TAFA1: variants seen among roughly 807,000 people sequenced by gnomAD.
TAFA1 encodes TAFA chemokine like family member 1, also known as chemokine-like protein TAFA-1.
In TAFA1, 4 loss-of-function variants were observed where a neutral mutation model predicts 18.5. The ratio of observed to expected loss-of-function variants is 0.22; its 90% CI spans 0.11 to 0.49. TAFA1 has a LOEUF of 0.49. Ranked by LOEUF, TAFA1 falls within the 20% of genes least tolerant of loss-of-function variation. The probability of loss-of-function intolerance (pLI) is 0.98; values close to 1 mark genes in which losing one functional copy is unlikely to be tolerated. For synonymous variants in TAFA1, 56 were observed against 55.2 expected, an observed-to-expected ratio of 1.01 and a Z score of -0.06; for missense variants, 147 against 169.0, an observed-to-expected ratio of 0.87 and a Z score of 0.72.
At chr3:68,083,198 T>C (rs2064926545) in intron 2 of TAFA1, among the ~76,000 whole-genome samples, 1 of 152,186 alleles carries the variant, frequency 6.6e-6, no homozygotes, top group South Asian at 2.1e-4. Context: ...AGAAGGGCTC[T>C]ATCCAGAAAC....
At chr3:68,109,393 A>G (rs2065239586) in intron 2 of TAFA1, among the ~76,000 whole-genome samples, 2 of 152,112 alleles carry the variant, frequency 1.3e-5, no homozygotes, top group Admixed American at 1.3e-4. Flanking sequence ...TTGATTTTTT[A>G]ATCAATTATG....
intron 2 of TAFA1, among the ~76,000 whole-genome samples, chr3:68,131,795 C>T (rs549944595): frequency 2.0e-5 from 3 of 152,190 alleles, no homozygotes; most frequent in South Asian, 2.1e-4. Flanking sequence ...ATTTAGCAGA[C>T]GTAGAATGGG....
chr3:68,084,407 T>C (rs2064945258), intron 2 of TAFA1, among the ~76,000 whole-genome samples: 1 of 152,316 alleles, frequency 6.6e-6, no homozygotes, highest in South Asian at 2.1e-4. Context: ...TCTTATATTA[T>C]ACCTTGTGCT....
intron 2 of TAFA1, among the ~76,000 whole-genome samples, chr3:68,178,550 A>G (rs2066155830): frequency 6.6e-6 from 1 of 152,232 alleles, no homozygotes; most frequent in Admixed American, 6.5e-5. Flanking sequence ...AGGAGGAGGT[A>G]TGTATAAAAC....
chr3:68,163,167 A>G (rs769482812), intron 2 of TAFA1, among the ~76,000 whole-genome samples: 32 of 152,060 alleles, frequency 2.1e-4, no homozygotes, highest in Admixed American at 5.9e-4. Context: ...CTGAAGGACT[A>G]CTCTTTTCTA....
chr3:68,431,938 G>A (rs898711299), intron 3 of TAFA1, among the ~76,000 whole-genome samples: 5 of 151,948 alleles, frequency 3.3e-5, no homozygotes, highest in Non-Finnish European at 7.4e-5. Flanking sequence ...GTAAGCGTGA[G>A]GAACATGACT....
At chr3:68,046,715 A>T (rs1025705788) in intron 2 of TAFA1, among the ~76,000 whole-genome samples, 1 of 152,136 alleles carries the variant, frequency 6.6e-6, no homozygotes, top group Non-Finnish European at 1.5e-5. Flanking sequence ...TTATAAGTAG[A>T]TAGAGATTTG....
chr3:68,492,403 G>A (rs547918744), intron 3 of TAFA1, among the ~76,000 whole-genome samples: 3 of 152,100 alleles, frequency 2.0e-5, no homozygotes, highest in Non-Finnish European at 2.9e-5. Flanking sequence ...AGTTAAGGCA[G>A]CAAAGCCTAG....
rs138370774 is a variant in TAFA1 at position 68,181,219 on chromosome 3, G to C, written c.118+174475G>C. Among the ~76,000 whole-genome samples the C allele has an allele frequency of 7.7e-4, 117 of 152,188 alleles. 1 individual carries two copies. The highest frequency in any genetic ancestry group is 1.4e-3 in the Non-Finnish European group (92 of 68,018). On this transcript the variant is annotated intron_variant, in intron 2 of 4. Transcript: ENST00000478136. ...CCTGGTGAGAGACTCAGTCAGGTGG[G>C]GCTGGCTAGTGGGGACCCAGCCAAA...
intron 2 of TAFA1, among the ~76,000 whole-genome samples, chr3:68,237,084 A>T (rs2066936139): frequency 6.6e-6 from 1 of 152,238 alleles, no homozygotes; most frequent in African/African-American, 2.4e-5. Flanking sequence ...TCAGGCTGCT[A>T]TAACCAAATA....
intron 2 of TAFA1, among the ~76,000 whole-genome samples, chr3:68,371,719 T>G (rs1191312161): frequency 2.0e-5 from 3 of 152,206 alleles, no homozygotes; most frequent in Non-Finnish European, 4.4e-5. Context: ...TGAAATCACC[T>G]AAGATAGATG....
chr3:68,236,529 ATGAAC>A (rs2066929035), intron 2 of TAFA1, among the ~76,000 whole-genome samples: 1 of 152,218 alleles, frequency 6.6e-6, no homozygotes, highest in Non-Finnish European at 1.5e-5. Context: ...GGAGGTACTA[ATGAAC>A]TGAACCTATT....
chr3:68,323,268 G>A (rs922482453), intron 2 of TAFA1, among the ~76,000 whole-genome samples: 2 of 152,092 alleles, frequency 1.3e-5, no homozygotes, highest in African/African-American at 4.8e-5. Flanking sequence ...GCAGCCACCT[G>A]TACAATACAT....
At chr3:68,070,196 A>G (rs966244360) in intron 2 of TAFA1, among the ~76,000 whole-genome samples, 7 of 152,240 alleles carry the variant, frequency 4.6e-5, no homozygotes, top group Non-Finnish European at 8.8e-5. Flanking sequence ...CTGAACATCC[A>G]GGCATTTCTA....
chr3:68,124,858 G>A (rs917794041), intron 2 of TAFA1, among the ~76,000 whole-genome samples: 1 of 152,182 alleles, frequency 6.6e-6, no homozygotes, highest in Non-Finnish European at 1.5e-5. Flanking sequence ...AACTTCTGCT[G>A]TCTTAGAGCT....
chr3:68,116,847 G>A lies in TAFA1; in HGVS notation c.118+110103G>A, dbSNP rs556889713. Among the ~76,000 whole-genome samples, 8 of 152,224 alleles carry A rather than the reference G, an allele frequency of 5.3e-5. 1 individual carries two copies. The highest frequency in any genetic ancestry group is 1.7e-4 in the African/African-American group (7 of 41,536). ...CTGGGTTTGTAAACAAAGTTGTATT[G>A]GAACACAGCATTGCCCATTGATTTA... On this transcript the variant is annotated intron_variant, in intron 2 of 4. Transcript: ENST00000478136.
intron 2 of TAFA1, among the ~76,000 whole-genome samples, chr3:68,319,974 T>C (rs2068672732): frequency 2.0e-5 from 3 of 152,182 alleles, no homozygotes; most frequent in Non-Finnish European, 4.4e-5. Flanking sequence ...TAAAACAGTG[T>C]TTCTCCTAAA....
At chr3:68,406,511 G>C (rs1559655420) in intron 2 of TAFA1, among the ~76,000 whole-genome samples, 1 of 152,192 alleles carries the variant, frequency 6.6e-6, no homozygotes, top group Non-Finnish European at 1.5e-5. Flanking sequence ...CAGGGAAGCT[G>C]TGATTCAGTT....
chr3:68,048,363 G>A (rs180771244), intron 2 of TAFA1, among the ~76,000 whole-genome samples: 1 of 152,062 alleles, frequency 6.6e-6, no homozygotes, highest in African/African-American at 2.4e-5. Context: ...GGGTACATGA[G>A]ATATTTTGAT....
Sources: gnomAD v4.1 joint callset for allele counts (sites outside exome capture counted in the v4.1 genomes callset) on GRCh38, gnomAD v4.1.1 for gene constraint, MANE v1.5 for transcripts, NCBI Gene and HGNC (gene_info 2026-07-23, HGNC 2026-07-21) for gene names.